Variants in PCSK2 observed in about 807,000 individuals in gnomAD.
PCSK2 encodes neuroendocrine convertase 2.
Under a neutral mutation model 69.7 loss-of-function variants are expected in PCSK2, and 14 were observed. That is an observed-to-expected ratio of 0.20 (90% CI 0.13 to 0.31). PCSK2 has a LOEUF of 0.31. Ranked by LOEUF, PCSK2 falls within the 10% of genes least tolerant of loss-of-function variation. PCSK2 has a pLI of 1.00. For missense variants in PCSK2, 544 were observed against 842.5 expected, an observed-to-expected ratio of 0.65 and a Z score of 4.39; for synonymous variants, 307 against 320.7, an observed-to-expected ratio of 0.96 and a Z score of 0.46.
At chr20:17,470,188 T>G (rs762387061) in intron 11 of PCSK2, among the ~76,000 whole-genome samples, 3 of 152,230 alleles carry the variant, frequency 2.0e-5, no homozygotes, top group Non-Finnish European at 4.4e-5. Flanking sequence ...AATTTGGAAG[T>G]GCAGTGACTT....
intron 5 of PCSK2, among the ~76,000 whole-genome samples, chr20:17,393,355 T>C (rs1287483301): frequency 6.6e-6 from 1 of 152,190 alleles, no homozygotes; most frequent in Non-Finnish European, 1.5e-5. Flanking sequence ...TAAATTTAAA[T>C]AAAATTCTGA....
Position 17,295,414 on chromosome 20 carries a change from G to A in PCSK2, c.282+35070G>A, listed in dbSNP as rs79437360. On this transcript the variant is annotated intron_variant, in intron 2 of 11. Transcript: ENST00000262545. ...AGCATTTGTTCTTTACGCTCAGCTG[G>A]GTCTCCTATTTCAAGTTGCTACTTC... is the stretch of plus-strand genomic sequence containing the variant. Among the ~76,000 whole-genome samples, 766 of 150,938 alleles carry A rather than the reference G, an allele frequency of 5.1e-3. 6 individuals carry two copies. Among genetic ancestry groups the A allele is most frequent in the East Asian group, 0.023 (120 of 5,148 alleles).
At chr20:17,360,189 C>T (rs1290274790) in intron 3 of PCSK2, among the ~76,000 whole-genome samples, 2 of 152,108 alleles carry the variant, frequency 1.3e-5, no homozygotes, top group African/African-American at 4.8e-5. Context: ...TGAAAGTGAG[C>T]ATTTAATTCT....
intron 10 of PCSK2, among the ~76,000 whole-genome samples, chr20:17,463,013 C>A (rs1438419802): frequency 6.6e-6 from 1 of 152,238 alleles, no homozygotes; most frequent in Non-Finnish European, 1.5e-5. Flanking sequence ...ACTCTTCAGA[C>A]ATATGCAAAT....
At chr20:17,423,408 T>C (rs1290571924) in intron 6 of PCSK2, among the ~76,000 whole-genome samples, 1 of 151,896 alleles carries the variant, frequency 6.6e-6, no homozygotes, top group Non-Finnish European at 1.5e-5. Flanking sequence ...TCTTTTTATG[T>C]AGATGAATCT....
At chr20:17,341,847 CT>C (rs11477450) in intron 2 of PCSK2, among the ~76,000 whole-genome samples, 29,616 of 151,916 alleles carry the variant, frequency 0.19, 3,169 homozygotes, top group Middle Eastern at 0.27. Context: ...ATCTCCACAA[CT>C]TTTTTTTTCC....
chr20:17,389,215 A>G (rs375828890), intron 5 of PCSK2, among the ~76,000 whole-genome samples: 4 of 152,282 alleles, frequency 2.6e-5, no homozygotes, highest in African/African-American at 9.6e-5. Flanking sequence ...AAAAATAGAT[A>G]CCGTCTACCC....
chr20:17,380,130 C>T (rs6111526), intron 5 of PCSK2, among the ~76,000 whole-genome samples: 3,686 of 152,234 alleles, frequency 0.024, 154 homozygotes, highest in African/African-American at 0.084. Flanking sequence ...AGTTAACCCA[C>T]GTCCAGAAAC....
chr20:17,460,170 AT>A (rs1421933249), intron 10 of PCSK2, among the ~76,000 whole-genome samples: 1 of 152,148 alleles, frequency 6.6e-6, no homozygotes, highest in Non-Finnish European at 1.5e-5. Flanking sequence ...CCATGTTTAC[AT>A]TTCAGGCAGG....
At chr20:17,235,298 G>A (rs890506680) in intron 1 of PCSK2, among the ~76,000 whole-genome samples, 4 of 152,226 alleles carry the variant, frequency 2.6e-5, no homozygotes, top group Non-Finnish European at 1.5e-5. Flanking sequence ...CTGTTACAGC[G>A]TATTGGCAGT....
At chr20:17,451,870 A>G (rs1167939885) in intron 8 of PCSK2, among the ~76,000 whole-genome samples, 2 of 151,394 alleles carry the variant, frequency 1.3e-5, no homozygotes, top group African/African-American at 4.9e-5. Context: ...GCAGATGGTC[A>G]ACCTCACTCA....
rs142965147 is a variant in PCSK2 at position 17,459,899 on chromosome 20, T to A, written c.1202+3451T>A. Among the ~76,000 whole-genome samples the A allele has an allele frequency of 3.9e-5, 6 of 152,314 alleles. No homozygotes were observed. The East Asian group carries it at 1.2e-3, about 29-fold the overall frequency. ...AATCTATGACTCTGGGTGCAGAGTG[T>A]GGGTAGCTGGCTTCTGCCTCTGATT... On this transcript the variant is annotated intron_variant, in intron 10 of 11. Coordinates refer to ENST00000262545, the MANE Select transcript of PCSK2 (RefSeq NM_002594.5).
intron 6 of PCSK2, among the ~76,000 whole-genome samples, chr20:17,414,222 CA>C (rs1012152075): frequency 1.4e-4 from 21 of 151,644 alleles, no homozygotes; most frequent in Admixed American, 2.6e-4. Flanking sequence ...AAAAACCCTT[CA>C]AAAAAAATCG....
intron 6 of PCSK2, among the ~76,000 whole-genome samples, chr20:17,425,792 CT>C (rs1171428382): frequency 6.6e-6 from 1 of 152,048 alleles, no homozygotes; most frequent in African/African-American, 2.4e-5. Context: ...TGTTCCTGGG[CT>C]TTTTTGCATC....
chr20:17,437,230 A>C (rs1389661295), intron 8 of PCSK2, among the ~76,000 whole-genome samples: 1 of 152,204 alleles, frequency 6.6e-6, no homozygotes, highest in Non-Finnish European at 1.5e-5. Flanking sequence ...CCACCCACTC[A>C]GTCGTTGGCT....
At position 17,453,213 on chromosome 20, in the gene PCSK2, A is replaced by G; in HGVS notation, c.886-529A>G. Among the ~76,000 whole-genome samples the G allele has an allele frequency of 6.6e-6, 1 of 152,164 alleles. No individual in the cohort carries two copies. The highest frequency in any genetic ancestry group is 6.5e-5 in the Admixed American group (1 of 15,278). On this transcript the variant is annotated intron_variant, in intron 8 of 11. Coordinates refer to ENST00000262545, the MANE Select transcript of PCSK2 (RefSeq NM_002594.5). This position sits in a 1 kb window ranked among gnomAD's most constrained non-coding sequence, Gnocchi z 4.0. ...ATGTCTACATATCATATTTAAATTT[A>G]TATATTGATATATAGCTATTTAAAA...
chr20:17,452,673 T>C (rs952381985), intron 8 of PCSK2, among the ~76,000 whole-genome samples: 1 of 151,954 alleles, frequency 6.6e-6, no homozygotes, highest in Admixed American at 6.5e-5. Flanking sequence ...TGGCTGGAGG[T>C]TGCACCTGCC....
chr20:17,232,127 A>G (rs1765085161), intron 1 of PCSK2, among the ~76,000 whole-genome samples: 2 of 152,304 alleles, frequency 1.3e-5, no homozygotes, highest in Admixed American at 1.3e-4. Context: ...AGTGAAATCT[A>G]TCATCTTCAC....
intron 6 of PCSK2, among the ~76,000 whole-genome samples, chr20:17,411,278 A>G (rs1032361687): frequency 6.6e-6 from 1 of 152,220 alleles, no homozygotes; most frequent in African/African-American, 2.4e-5. Flanking sequence ...TTCCTAGCCA[A>G]AGGAAGCCGT....
Sources: gnomAD v4.1 joint callset for allele counts (sites outside exome capture counted in the v4.1 genomes callset) on GRCh38, gnomAD v4.1.1 for gene constraint, Gnocchi (gnomAD v3.1) non-coding constraint, MANE v1.5 for transcripts, NCBI Gene and HGNC (gene_info 2026-07-23, HGNC 2026-07-21) for gene names.